The following HTR2C variants were observed in gnomAD, a reference collection of about 807,000 sequenced individuals.
The protein encoded by HTR2C is 5-hydroxytryptamine receptor 2C, also known as 5-hydroxytryptamine (serotonin) receptor 2C, G protein-coupled.
Under a neutral mutation model 21.0 loss-of-function variants are expected in HTR2C, and 5 were observed. That is an observed-to-expected ratio of 0.24 (90% CI 0.12 to 0.50). The LOEUF (loss-of-function observed/expected upper bound fraction) is 0.50, where lower values mean the gene tolerates loss of function less well. HTR2C is among the 20% of genes least tolerant of loss of function. The pLI is 0.98. For synonymous variants in HTR2C, 150 were observed against 145.3 expected (o/e 1.03, Z -0.23); for missense variants, 271 against 371.2 (o/e 0.73, Z 2.22).
intron 2 of HTR2C, among the ~76,000 whole-genome samples, chrX:114,692,790 G>T (rs1456264419): frequency 9.0e-6 from 1 of 111,597 alleles, no homozygotes; most frequent in Non-Finnish European, 1.9e-5. Flanking sequence ...CATACCAAAC[G>T]TTAGCCCATT....
intron 2 of HTR2C, among the ~76,000 whole-genome samples, chrX:114,684,201 T>C (rs190365195): frequency 1.6e-4 from 18 of 112,072 alleles, no homozygotes; most frequent in Admixed American, 2.9e-4. Context: ...AGTTTTATCT[T>C]AGAACTTTCC....
chrX:114,820,853 G>T (rs1456021137), intron 4 of HTR2C, among the ~76,000 whole-genome samples: 5 of 110,609 alleles, frequency 4.5e-5, no homozygotes, highest in Non-Finnish European at 9.5e-5. Flanking sequence ...CATGAAAACG[G>T]CCTAACACAG....
chrX:114,633,947 T>TATATATATATAGAGAG (rs201763901), intron 2 of HTR2C, among the ~76,000 whole-genome samples: 2 of 92,195 alleles, frequency 2.2e-5, no homozygotes, highest in Admixed American at 1.3e-4. Context: ...TATATATATA[T>TATATATATATAGAGAG]AGAGAGAGAG....
intron 3 of HTR2C, among the ~76,000 whole-genome samples, chrX:114,730,677 C>T (rs933292532): frequency 1.6e-4 from 18 of 111,823 alleles, no homozygotes; most frequent in Admixed American, 1.2e-3. Flanking sequence ...TCCTTCTTAG[C>T]CTTGGATCAA....
intron 4 of HTR2C, among the ~76,000 whole-genome samples, chrX:114,735,079 C>T (rs1349738826): frequency 4.5e-5 from 5 of 110,671 alleles, no homozygotes; most frequent in Non-Finnish European, 5.7e-5. Context: ...CCTAGGCGGG[C>T]GGATCACTTG....
intron 4 of HTR2C, among the ~76,000 whole-genome samples, chrX:114,807,462 TATATATATACCATATATATACATC>T (rs1569496299): frequency 3.2e-4 from 2 of 6,200 alleles, no homozygotes; most frequent in Non-Finnish European, 7.3e-4. Flanking sequence ...ATATACGCCA[TATATATATACCATATATATACATC>T]ATATATATAC....
intron 2 of HTR2C, among the ~76,000 whole-genome samples, chrX:114,671,408 A>G (rs1289950733): frequency 8.9e-6 from 1 of 112,180 alleles, no homozygotes; most frequent in East Asian, 2.8e-4. Context: ...TATTAATCTC[A>G]ATGACAAATA....
intron 5 of HTR2C, among the ~76,000 whole-genome samples, chrX:114,856,028 A>G (rs1209095097): frequency 1.2e-5 from 1 of 83,286 alleles, no homozygotes; most frequent in Non-Finnish European, 2.4e-5. Context: ...GAGGAAGTCA[A>G]ATTGTCCCTG....
intron 2 of HTR2C, among the ~76,000 whole-genome samples, chrX:114,704,000 A>C (rs949277785): frequency 9.1e-5 from 10 of 110,300 alleles, no homozygotes; most frequent in African/African-American, 2.0e-4. Flanking sequence ...CCTCCCAAGA[A>C]TAAACCAGGA....
intron 4 of HTR2C, among the ~76,000 whole-genome samples, chrX:114,755,768 A>G (rs781788835): frequency 3.6e-5 from 4 of 111,484 alleles, no homozygotes; most frequent in Non-Finnish European, 7.5e-5. Context: ...TGAGCAAAAG[A>G]CCAAAAAACA....
chrX:114,709,580 T>A (rs1556418962), intron 2 of HTR2C, among the ~76,000 whole-genome samples: 1 of 112,135 alleles, frequency 8.9e-6, no homozygotes, highest in Non-Finnish European at 1.9e-5. Context: ...CAACTTATGT[T>A]TGAGAGTAGT....
intron 1 of HTR2C, among the ~76,000 whole-genome samples, chrX:114,608,032 T>C (rs1928545077): frequency 9.0e-6 from 1 of 111,353 alleles, no homozygotes; most frequent in Admixed American, 9.6e-5. Flanking sequence ...ATGTATAAAA[T>C]GTTTACACTT....
At chrX:114,712,009 G>T (rs1449597176) in intron 2 of HTR2C, among the ~76,000 whole-genome samples, 6 of 111,919 alleles carry the variant, frequency 5.4e-5, no homozygotes, top group African/African-American at 1.9e-4. Context: ...ATGGCTCTTT[G>T]TGACAGTTTT....
chrX:114,601,157 T>C (rs918948279), intron 1 of HTR2C, among the ~76,000 whole-genome samples: 12 of 112,018 alleles, frequency 1.1e-4, no homozygotes, highest in Non-Finnish European at 2.1e-4. Context: ...CTCTTTCTTT[T>C]TTTTTAGGAA....
intron 4 of HTR2C, among the ~76,000 whole-genome samples, chrX:114,799,725 G>A (rs1420703912): frequency 9.1e-6 from 1 of 110,278 alleles, no homozygotes; most frequent in Non-Finnish European, 1.9e-5. Flanking sequence ...GAATTTTCTA[G>A]GTTCTAGAAA....
At chrX:114,606,919 CG>C (rs1928473619) in intron 1 of HTR2C, among the ~76,000 whole-genome samples, 1 of 108,060 alleles carries the variant, frequency 9.3e-6, no homozygotes, top group Admixed American at 9.8e-5. Context: ...AGGGTGGGGC[CG>C]TTTTATAGGA....
At chrX:114,736,156 T>A (rs1569489305) in intron 4 of HTR2C, among the ~76,000 whole-genome samples, 1 of 110,903 alleles carries the variant, frequency 9.0e-6, no homozygotes, top group Non-Finnish European at 1.9e-5. Flanking sequence ...CTTAACATTA[T>A]ATGATGATAT....
At chrX:114,784,165 A>G (rs1263454004) in intron 4 of HTR2C, among the ~76,000 whole-genome samples, 2 of 109,142 alleles carry the variant, frequency 1.8e-5, no homozygotes, top group African/African-American at 6.7e-5. Flanking sequence ...CAGACAAACC[A>G]CTGACTAGAT....
At chrX:114,706,645 G>T (rs970349316) in intron 2 of HTR2C, among the ~76,000 whole-genome samples, 10 of 103,592 alleles carry the variant, frequency 9.7e-5, no homozygotes, top group Admixed American at 3.2e-4. Context: ...CACCAGCATG[G>T]CACATGTATA....
Sources: gnomAD v4.1 joint callset for allele counts (sites outside exome capture counted in the v4.1 genomes callset) on GRCh38, gnomAD v4.1.1 for gene constraint, MANE v1.5 for transcripts, NCBI Gene and HGNC (gene_info 2026-07-23, HGNC 2026-07-21) for gene names.